The following FIRRM variants were observed in gnomAD, a reference collection of about 807,000 sequenced individuals.
The protein encoded by FIRRM is FIGNL1-interacting regulator of recombination and mitosis.
chr1:169,831,418 A>G, the FIRRM span, among the ~76,000 whole-genome samples: 11 of 152,060 alleles, frequency 7.2e-5, no homozygotes, highest in East Asian at 1.9e-4. Context: ...TGTATCATAT[A>G]TTTCTTGGTT....
the FIRRM span, among the ~76,000 whole-genome samples, chr1:169,818,030 A>C: frequency 6.6e-6 from 1 of 152,170 alleles, no homozygotes; most frequent in African/African-American, 2.4e-5. Context: ...ATTTAACTTA[A>C]AACAATCCTA....
At chr1:169,838,566 C>G in the FIRRM span, among the ~76,000 whole-genome samples, 1 of 151,956 alleles carries the variant, frequency 6.6e-6, no homozygotes, top group African/African-American at 2.4e-5. Flanking sequence ...TTTGGCTCAC[C>G]GCAACCTCTG....
chr1:169,850,375 T>C, the FIRRM span: 1 of 1,475,204 alleles, frequency 6.8e-7, no homozygotes. Flanking sequence ...CATGTTTTAT[T>C]CTTTGTCCTA....
chr1:169,797,113 C>T, the FIRRM span, among the ~76,000 whole-genome samples: 4 of 152,232 alleles, frequency 2.6e-5, no homozygotes, highest in African/African-American at 9.6e-5. Context: ...GCGTTACCCT[C>T]AGCACCTAGA....
chr1:169,805,106 T>C, the FIRRM span, among the ~76,000 whole-genome samples: 1 of 152,272 alleles, frequency 6.6e-6, no homozygotes, highest in Non-Finnish European at 1.5e-5. Context: ...TTCAAAACTT[T>C]GGTATAAAGA....
At chr1:169,824,129 T>C in the FIRRM span, among the ~76,000 whole-genome samples, 1 of 152,122 alleles carries the variant, frequency 6.6e-6, no homozygotes, top group Non-Finnish European at 1.5e-5. Context: ...TTCCTCACTG[T>C]CAATGACCTC....
the FIRRM span, among the ~76,000 whole-genome samples, chr1:169,839,959 C>A: frequency 6.6e-6 from 1 of 152,172 alleles, no homozygotes; most frequent in African/African-American, 2.4e-5. Context: ...GCTAGCTATC[C>A]CAGCACCATT....
the FIRRM span, among the ~76,000 whole-genome samples, chr1:169,842,233 A>G: frequency 6.6e-6 from 1 of 152,084 alleles, no homozygotes; most frequent in African/African-American, 2.4e-5. Flanking sequence ...GTACAAGGAA[A>G]ATTATTTTTA....
chr1:169,850,289 C>T, the FIRRM span: 1 of 1,611,972 alleles, frequency 6.2e-7, no homozygotes, highest in Non-Finnish European at 8.5e-7. Flanking sequence ...AGAGATAGTT[C>T]CACAGTGTCT....
At chr1:169,826,083 C>G in the FIRRM span, 1 of 324,438 alleles carries the variant, frequency 3.1e-6, no homozygotes, top group Non-Finnish European at 6.3e-6. Flanking sequence ...CTTTTTTTTT[C>G]TTTTTTGAGA....
the FIRRM span, among the ~76,000 whole-genome samples, chr1:169,845,019 C>T: frequency 6.6e-6 from 1 of 152,090 alleles, no homozygotes; most frequent in Non-Finnish European, 1.5e-5. Context: ...AAAATACTTA[C>T]TATTTGGCCT....
the FIRRM span, among the ~76,000 whole-genome samples, chr1:169,838,031 G>A: frequency 0.1 from 15,927 of 152,062 alleles, 1,012 homozygotes; most frequent in Admixed American, 0.18. Context: ...TCCACCTCAC[G>A]GATTCAGGCA....
At chr1:169,794,181 T>C in the FIRRM span, among the ~76,000 whole-genome samples, 1 of 152,202 alleles carries the variant, frequency 6.6e-6, no homozygotes, top group Non-Finnish European at 1.5e-5. Context: ...GTCCAAGATA[T>C]TCAGACAGGA....
At chr1:169,793,006 A>G in the FIRRM span, 1 of 1,614,128 alleles carries the variant, frequency 6.2e-7, no homozygotes, top group South Asian at 1.1e-5. Flanking sequence ...TAGCTACTAC[A>G]TTAGGTAAGG....
At chr1:169,845,897 G>A in the FIRRM span, among the ~76,000 whole-genome samples, 10 of 152,128 alleles carry the variant, frequency 6.6e-5, no homozygotes, top group Non-Finnish European at 1.3e-4. Context: ...GTTTTTCATG[G>A]CATCTGAAAT....
At chr1:169,810,566 C>A in the FIRRM span, among the ~76,000 whole-genome samples, 1 of 151,774 alleles carries the variant, frequency 6.6e-6, no homozygotes, top group Non-Finnish European at 1.5e-5. Context: ...TATAAGAACA[C>A]CAGTGATAGT....
the FIRRM span, among the ~76,000 whole-genome samples, chr1:169,844,858 C>A: frequency 6.6e-6 from 1 of 151,948 alleles, no homozygotes; most frequent in South Asian, 2.1e-4. Context: ...AAGATTTCAC[C>A]TCAAGATTCT....
At chr1:169,822,416 A>G in the FIRRM span, among the ~76,000 whole-genome samples, 3 of 152,346 alleles carry the variant, frequency 2.0e-5, 1 homozygote, top group African/African-American at 7.2e-5. Context: ...AACCACTAAT[A>G]TCTTTTACTA....
At chr1:169,831,699 T>C in the FIRRM span, among the ~76,000 whole-genome samples, 1 of 152,258 alleles carries the variant, frequency 6.6e-6, no homozygotes, top group Non-Finnish European at 1.5e-5. Flanking sequence ...CAGGATGGAA[T>C]GATACTATAT....
Sources: gnomAD v4.1 joint callset for allele counts (sites outside exome capture counted in the v4.1 genomes callset) on GRCh38, gnomAD v4.1.1 for gene constraint, MANE v1.5 for transcripts, NCBI Gene and HGNC (gene_info 2026-07-23, HGNC 2026-07-21) for gene names.